Variants in CCDC33 observed in about 807,000 individuals in gnomAD.
The protein encoded by CCDC33 is coiled-coil domain containing 33.
In CCDC33, 94 loss-of-function variants were observed where a neutral mutation model predicts 91.9. The ratio of observed to expected loss-of-function variants is 1.02; its 90% CI spans 0.87 to 1.21. The LOEUF is 1.21. Ranked by LOEUF, CCDC33 falls within the 50% of genes most tolerant of loss-of-function variation. CCDC33 has a pLI of 0.00. For missense variants in CCDC33, 940 were observed against 935.5 expected, an observed-to-expected ratio of 1.00 and a Z score of -0.06; for synonymous variants, 396 against 374.5, an observed-to-expected ratio of 1.06 and a Z score of -0.66.
At chr15:74,293,556 A>C (rs1344366638) in intron 10 of CCDC33, among the ~76,000 whole-genome samples, 1 of 151,978 alleles carries the variant, frequency 6.6e-6, no homozygotes. Flanking sequence ...GAAAACCCTA[A>C]ACCATCTGAC....
chr15:74,236,061 A>C (rs1403058579), upstream of CCDC33, among the ~76,000 whole-genome samples: 1 of 152,242 alleles, frequency 6.6e-6, no homozygotes, highest in African/African-American at 2.4e-5. Flanking sequence ...AACACTCTTG[A>C]GAGCAGTGTC....
At chr15:74,223,375 T>A (rs893271290) in intron 2 of CCDC33, among the ~76,000 whole-genome samples, 2 of 152,246 alleles carry the variant, frequency 1.3e-5, no homozygotes, top group Non-Finnish European at 2.9e-5. Context: ...CAGGCTGATG[T>A]CCCAGCCCTT....
At chr15:74,285,578 G>A (rs1281549006) in intron 10 of CCDC33, among the ~76,000 whole-genome samples, 1 of 151,910 alleles carries the variant, frequency 6.6e-6, no homozygotes, top group Non-Finnish European at 1.5e-5. Context: ...GAGGCTGCAG[G>A]GCGACCTCAG....
intron 1 of CCDC33, among the ~76,000 whole-genome samples, chr15:74,240,646 GCT>G (rs963356958): frequency 6.6e-6 from 1 of 152,102 alleles, no homozygotes; most frequent in Non-Finnish European, 1.5e-5. Flanking sequence ...TATCACCCAG[GCT>G]GGAGTACCAT....
At chr15:74,283,329 C>A (rs1168680851) in intron 10 of CCDC33, among the ~76,000 whole-genome samples, 4 of 152,252 alleles carry the variant, frequency 2.6e-5, no homozygotes, top group Admixed American at 2.6e-4. Context: ...CCCCACCTCC[C>A]TCTGTCTCCT....
chr15:74,321,531 C>G (rs957294178), intron 11 of CCDC33, among the ~76,000 whole-genome samples: 7 of 152,096 alleles, frequency 4.6e-5, no homozygotes, highest in Non-Finnish European at 7.3e-5. Flanking sequence ...TCCCAAAGTG[C>G]TGAGATTACA....
At chr15:74,229,646 C>T (rs914522647) in intron 2 of CCDC33, among the ~76,000 whole-genome samples, 7 of 152,260 alleles carry the variant, frequency 4.6e-5, no homozygotes, top group African/African-American at 1.7e-4. Flanking sequence ...CGTGCATGCC[C>T]TAGCAAGGCG....
At chr15:74,242,940 A>G (rs1287201540) in intron 1 of CCDC33, among the ~76,000 whole-genome samples, 1 of 150,958 alleles carries the variant, frequency 6.6e-6, no homozygotes, top group Non-Finnish European at 1.5e-5. Flanking sequence ...GTCCTCCCTG[A>G]CTCCACTCCT....
chr15:74,236,251 T>A (rs1158920475), upstream of CCDC33: 1 of 155,872 alleles, frequency 6.4e-6, no homozygotes, highest in Non-Finnish European at 1.4e-5. Flanking sequence ...CCTGGACAGG[T>A]GCCTGTGTGA....
chr15:74,258,339 C>G (rs1566975690), intron 2 of CCDC33, among the ~76,000 whole-genome samples: 1 of 152,224 alleles, frequency 6.6e-6, no homozygotes, highest in Non-Finnish European at 1.5e-5. Flanking sequence ...TTCCTTTGCT[C>G]TCTTGGTGGC....
chr15:74,215,916 A>C (rs2074435438), upstream of CCDC33, among the ~76,000 whole-genome samples: 1 of 151,788 alleles, frequency 6.6e-6, no homozygotes, highest in East Asian at 1.9e-4. Flanking sequence ...GAAAGAAAAA[A>C]AGTTGGAGGG....
At chr15:74,320,817 C>G in intron 11 of CCDC33, among the ~76,000 whole-genome samples, 1 of 152,258 alleles carries the variant, frequency 6.6e-6, no homozygotes, top group East Asian at 1.9e-4. Flanking sequence ...CAATGAGGCT[C>G]TCAGTCCTCC....
rs565414596 is a variant in CCDC33 at position 74,295,151 on chromosome 15, G to A, written c.1096-603G>A. ...TGTTGTTACTGCACCAAGTGTGGGT[G>A]CCAGAGATGGCATAATTCATTTATT... On this transcript the variant is annotated intron_variant, in intron 10 of 18. Transcript: ENST00000398814. Among the ~76,000 whole-genome samples, 19 of 152,286 alleles carry A rather than the reference G, an allele frequency of 1.2e-4. No homozygotes were observed. In the East Asian group the frequency reaches 3.3e-3, roughly 26 times the overall value.
Position 74,316,070 on chromosome 15 carries a change from G to A in CCDC33, c.1291-14119G>A, listed in dbSNP as rs2060083134. ...AGTCTTCACATAGTAATTGTCTTGT[G>A]TGTCTCACCCAGTGATAAGGGGTGG... On this transcript the variant is annotated intron_variant, in intron 11 of 18. Transcript: ENST00000398814. This position sits in a 1 kb window ranked among gnomAD's most constrained non-coding sequence, Gnocchi z 4.7. 6.6e-6 allele frequency among the ~76,000 whole-genome samples: 1 copy of A among 152,182 alleles called. No individual in the cohort carries two copies. The highest frequency in any genetic ancestry group is 6.5e-5 in the Admixed American group (1 of 15,280).
upstream of CCDC33, among the ~76,000 whole-genome samples, chr15:74,235,188 C>T (rs1038350163): frequency 2.6e-5 from 4 of 152,206 alleles, no homozygotes; most frequent in African/African-American, 9.7e-5. Context: ...CAGGCCTAGA[C>T]GGGGAGAAAA....
intron 11 of CCDC33, among the ~76,000 whole-genome samples, chr15:74,328,122 G>A (rs1383626028): frequency 6.6e-6 from 1 of 152,158 alleles, no homozygotes; most frequent in Admixed American, 6.5e-5. Context: ...AGAAAGAAGG[G>A]GCCAAATTTC....
At chr15:74,236,909 G>A (rs561700948) in intron 1 of CCDC33, among the ~76,000 whole-genome samples, 169 bp downstream of exon 1, 1 of 152,316 alleles carries the variant, frequency 6.6e-6, no homozygotes, top group African/African-American at 2.4e-5. Flanking sequence ...GCTCTCCCAG[G>A]TTAGCTGCCC....
intron 3 of CCDC33, among the ~76,000 whole-genome samples, 169 bp from the exon 4 acceptor site, chr15:74,266,509 G>A (rs2076169498): frequency 6.6e-6 from 1 of 152,134 alleles, no homozygotes; most frequent in Admixed American, 6.5e-5. Flanking sequence ...CTGTGCTTGT[G>A]GGTTTGTGTG....
At chr15:74,211,899 TTCTC>T (rs2074372301) in intron 2 of CCDC33, among the ~76,000 whole-genome samples, 2 of 152,174 alleles carry the variant, frequency 1.3e-5, no homozygotes, top group East Asian at 1.9e-4. Context: ...ACTCTGTGTT[TTCTC>T]TCTATCACTC....
Sources: allele counts gnomAD v4.1 joint callset (sites outside exome capture counted in the v4.1 genomes callset), GRCh38; gene constraint gnomAD v4.1.1; non-coding constraint Gnocchi (gnomAD v3.1); transcripts MANE v1.5; gene names NCBI Gene and HGNC (gene_info 2026-07-23, HGNC 2026-07-21).